The following IPO7 variants were observed in gnomAD, a reference collection of about 807,000 sequenced individuals.
IPO7 encodes the protein importin-7.
Under a neutral mutation model 136.4 loss-of-function variants are expected in IPO7, and 13 were observed. The ratio of observed to expected loss-of-function variants is 0.10; its 90% CI spans 0.06 to 0.15. IPO7 has a LOEUF of 0.15. Among genes scored for constraint, IPO7 ranks in the 10% least tolerant of loss-of-function variants. IPO7 has a pLI of 1.00. For missense variants in IPO7, 857 were observed against 1,240.6 expected (o/e 0.69, Z 4.65); for synonymous variants, 403 against 404.4 (o/e 1.00, Z 0.04).
At chr11:9,395,678 T>A (rs1434181288) in intron 1 of IPO7, among the ~76,000 whole-genome samples, 1 of 152,216 alleles carries the variant, frequency 6.6e-6, no homozygotes, top group African/African-American at 2.4e-5. Flanking sequence ...AGAAATATAC[T>A]TTCTTATTTT....
chr11:9,425,336 T>C (rs1565000250), intron 12 of IPO7, 74 bp downstream of exon 12: 1 of 890,704 alleles, frequency 1.1e-6, no homozygotes, highest in African/African-American at 1.6e-5. Context: ...CCAGGCACAG[T>C]GGCTCACTTC....
Position 9,420,520 on chromosome 11 carries a change from A to G in IPO7, c.821+15A>G. On this transcript the variant is annotated intron_variant, in intron 7 of 24. Transcript: ENST00000379719. ...CTTTTTGAAAGGTAATCTCATCCATATATGGTGATTTAAATTAATTTATTA... is the reference window on the plus strand; with the variant it reads ...CTTTTTGAAAGGTAATCTCATCCATGTATGGTGATTTAAATTAATTTATTA... 1 of 1,585,400 alleles carries G rather than the reference A, an allele frequency of 6.3e-7. No homozygotes were observed. Among genetic ancestry groups the G allele is most frequent in the Non-Finnish European group, 8.7e-7 (1 of 1,154,704 alleles).
At chr11:9,390,989 T>C (rs1191739845) in intron 1 of IPO7, among the ~76,000 whole-genome samples, 1 of 151,964 alleles carries the variant, frequency 6.6e-6, no homozygotes, top group Non-Finnish European at 1.5e-5. Flanking sequence ...AGGCTGGTCT[T>C]GAACTCCTGA....
In IPO7 at chr11:9,438,048, T is replaced by TTTTG. The variant is rs1565004412; in HGVS notation, c.2490-29_2490-28insGTTT. On this transcript the variant is annotated intron_variant, in intron 21 of 24. Coordinates refer to ENST00000379719, the MANE Select transcript of IPO7 (RefSeq NM_006391.3). ...GCTTATTTAAGAAAAGAAAACAGTT[T>TTTTG]TTTTTTTTTTTTTTTTTTTTTTTTT... The TTTTG allele has an allele frequency of 1.3e-5, 4 of 305,912 alleles. No homozygotes were observed. In the African/African-American group the frequency reaches 1.4e-4, roughly 11 times the overall value. The allele number at this position is 305,912 out of a possible 1,614,324, so 18.9% of individuals were successfully genotyped here. A position where few individuals can be genotyped will look rare whatever the true frequency, so the allele number is the denominator to read the frequency against.
chr11:9,397,584 G>T (rs1394011991), intron 1 of IPO7, among the ~76,000 whole-genome samples: 4 of 151,200 alleles, frequency 2.6e-5, no homozygotes, highest in East Asian at 2.0e-4. Flanking sequence ...TTAATCTGGG[G>T]TTCTAATCAT....
rs1288703428 is a variant in IPO7 at position 9,436,494 on chromosome 11, T to C, written c.2268+128T>C. The C allele has an allele frequency of 1.0e-5, 6 of 572,736 alleles. No homozygotes were observed. In the Admixed American group the frequency reaches 2.0e-4, roughly 19 times the overall value. The allele number at this position is 572,736 out of a possible 1,614,324, so 35.5% of individuals were successfully genotyped here. ...TTTATTGAGACATCTAGACAACTAA[T>C]ATTTTTAGTTCAAAATGTAACTAAT... On this transcript the variant is annotated intron_variant, in intron 20 of 24. Transcript: ENST00000379719.
chr11:9,391,388 A>G (rs1196132294), intron 1 of IPO7, among the ~76,000 whole-genome samples: 1 of 147,524 alleles, frequency 6.8e-6, no homozygotes, highest in Non-Finnish European at 1.5e-5. Context: ...ACAGTGCAAG[A>G]CTCTGCCTCA....
At chr11:9,403,528 A>T (rs1305319898) in intron 2 of IPO7, 157 bp downstream of exon 2, 1 of 570,022 alleles carries the variant, frequency 1.8e-6, no homozygotes, top group African/African-American at 1.9e-5. Flanking sequence ...GTACCTTGAT[A>T]TCTGGTGGCA....
In IPO7 at chr11:9,429,088, C is replaced by G. The variant is rs1855255825; in HGVS notation, c.1483C>G (p.Gln495Glu). The G allele has an allele frequency of 1.9e-6, 3 of 1,613,916 alleles. No homozygotes were observed. In the East Asian group the frequency reaches 6.7e-5, roughly 36 times the overall value. ...GAAGTTCAAAAGTGATCAGAACCTT[C>G]AAACAGCCTTAGAGCTAACAAGAAG... is the stretch of plus-strand genomic sequence containing the variant. ...EVKFKSDQNL[Q>E]TALELTRRCL... Residue 495 changes from glutamine to glutamate, a missense_variant, in exon 14 of 25, where the codon CAA becomes GAA. Coordinates refer to ENST00000379719, the MANE Select transcript of IPO7 (RefSeq NM_006391.3).
chr11:9,440,600 A>C lies in IPO7; in HGVS notation c.2841A>C (p.Thr947=). Residue 947 remains threonine (T), a synonymous_variant, in exon 23 of 25, where the codon ACA becomes ACC. Transcript: ENST00000379719. The part of the protein sequence containing the change: ...AEETALEGYS[T]IIDDEDNPVD... ...AGACTGCTCTGGAAGGCTATTCCACAATCATTGATGATGAAGATAACCCTG... is the reference window on the plus strand; with the variant it reads ...AGACTGCTCTGGAAGGCTATTCCACCATCATTGATGATGAAGATAACCCTG... 6.2e-7 allele frequency: 1 copy of C among 1,614,022 alleles called. No individual in the cohort carries two copies. Among genetic ancestry groups the C allele is most frequent in the East Asian group, 2.2e-5 (1 of 44,860 alleles).
At chr11:9,414,454 G>A (rs1404575454) in intron 5 of IPO7, 43 bp downstream of exon 5, 1 of 1,240,576 alleles carries the variant, frequency 8.1e-7, no homozygotes, top group South Asian at 1.5e-5. Flanking sequence ...AAGTTAGTCT[G>A]TCATTTACCG....
intron 16 of IPO7, 182 bp from the exon 17 acceptor site, chr11:9,433,388 G>T: frequency 7.2e-6 from 4 of 552,196 alleles, no homozygotes. Flanking sequence ...CATTGTAATG[G>T]TATTTCATTC....
At chr11:9,404,623 T>C (rs1475977603) in intron 2 of IPO7, among the ~76,000 whole-genome samples, 2 of 141,862 alleles carry the variant, frequency 1.4e-5, no homozygotes, top group Non-Finnish European at 3.0e-5. Context: ...TGTAGTGCGG[T>C]GGCGCGATTT....
intron 1 of IPO7, among the ~76,000 whole-genome samples, chr11:9,390,972 G>T (rs954403300): frequency 6.6e-6 from 1 of 152,044 alleles, no homozygotes; most frequent in African/African-American, 2.4e-5. Context: ...GTTTCACCTT[G>T]TTGGCCAGGC....
Position 9,436,842 on chromosome 11 carries a change from T to TTTTA in IPO7, c.2268+477_2268+478insTTAT, listed in dbSNP as rs1334062867. ...TATACACCACCACAACCGCCTGATT[T>TTTTA]TATATATATATATATATATATATAT... On this transcript the variant is annotated intron_variant, in intron 20 of 24. Transcript: ENST00000379719. Among the ~76,000 whole-genome samples, 2 of 24,458 alleles carry TTTTA rather than the reference T, an allele frequency of 8.2e-5. 1 individual carries two copies. The highest frequency in any genetic ancestry group is 3.8e-4 in the African/African-American group (2 of 5,326). 16.0% of individuals were successfully genotyped at this position (24,458 alleles called of 152,430 possible).
intron 1 of IPO7, among the ~76,000 whole-genome samples, chr11:9,387,745 C>T (rs967668515): frequency 2.6e-5 from 4 of 151,516 alleles, no homozygotes; most frequent in East Asian, 1.9e-4. Context: ...GCAGAAGAAT[C>T]GCTTGAACCT....
At chr11:9,388,325 T>C (rs1854581047) in intron 1 of IPO7, among the ~76,000 whole-genome samples, 1 of 150,896 alleles carries the variant, frequency 6.6e-6, no homozygotes. Flanking sequence ...TTACAGGCGT[T>C]TGCCACCACA....
At chr11:9,432,670 G>T (rs1048606381) in intron 16 of IPO7, among the ~76,000 whole-genome samples, 1 of 152,114 alleles carries the variant, frequency 6.6e-6, no homozygotes, top group African/African-American at 2.4e-5. Flanking sequence ...TATCTGATTA[G>T]TGGATATTAT....
At chr11:9,411,133 A>G (rs1314564502) in intron 4 of IPO7, among the ~76,000 whole-genome samples, 1 of 152,212 alleles carries the variant, frequency 6.6e-6, no homozygotes, top group Admixed American at 6.5e-5. Context: ...TAAGCTGTCA[A>G]TATCATTGAG....
Sources: allele counts gnomAD v4.1 joint callset (sites outside exome capture counted in the v4.1 genomes callset), GRCh38; gene constraint gnomAD v4.1.1; transcripts MANE v1.5; gene names NCBI Gene and HGNC (gene_info 2026-07-23, HGNC 2026-07-21).